The following FBXO11 variants were observed in gnomAD, a reference collection of about 807,000 sequenced individuals.
The protein encoded by FBXO11 is F-box only protein 11.
FBXO11 carries 13 observed loss-of-function variants against 117.0 expected under a neutral mutation model. The observed-to-expected ratio is 0.11, with a 90% CI of 0.07 to 0.18. The LOEUF (loss-of-function observed/expected upper bound fraction) is 0.18. Among genes scored for constraint, FBXO11 ranks in the 10% least tolerant of loss-of-function variants. The pLI is 1.00. For missense variants in FBXO11, 767 were observed against 1,164.4 expected (o/e 0.66, Z 4.97); for synonymous variants, 490 against 380.5 (o/e 1.29, Z -3.35).
chr2:47,819,287 G>A (rs1671216063), intron 14 of FBXO11, among the ~76,000 whole-genome samples: 1 of 152,120 alleles, frequency 6.6e-6, no homozygotes, highest in Non-Finnish European at 1.5e-5. Context: ...CGCGATCTTG[G>A]CTCACCACAA....
intron 1 of FBXO11, among the ~76,000 whole-genome samples, chr2:47,887,105 G>A (rs1010913642): frequency 6.6e-6 from 1 of 151,852 alleles, no homozygotes; most frequent in South Asian, 2.1e-4. Context: ...GACCAACATG[G>A]AGAAACCCCA....
chr2:47,837,788 T>C (rs2104847045), intron 4 of FBXO11, among the ~76,000 whole-genome samples: 2 of 152,160 alleles, frequency 1.3e-5, no homozygotes, highest in South Asian at 4.2e-4. Flanking sequence ...TGCAGTGCAG[T>C]GGCACGATCA....
At chr2:47,897,500 C>G (rs1457203543) in intron 1 of FBXO11, among the ~76,000 whole-genome samples, 1 of 152,102 alleles carries the variant, frequency 6.6e-6, no homozygotes, top group Non-Finnish European at 1.5e-5. Context: ...AGTTTGAGAT[C>G]AGCTTGGCCA....
At chr2:47,828,458 G>A (rs1352114684) in intron 11 of FBXO11, among the ~76,000 whole-genome samples, 1 of 152,008 alleles carries the variant, frequency 6.6e-6, no homozygotes, top group Non-Finnish European at 1.5e-5. Flanking sequence ...AAACACAAAA[G>A]TTAGCTGTGC....
intron 16 of FBXO11, 154 bp downstream of exon 16, chr2:47,818,625 T>G (rs1671170093): frequency 1.6e-6 from 1 of 631,578 alleles, no homozygotes; most frequent in East Asian, 2.8e-5. Context: ...GAAAGCTACA[T>G]TCTGACAATT....
At chr2:47,825,950 A>C (rs185595847) in intron 11 of FBXO11, among the ~76,000 whole-genome samples, 3 of 152,282 alleles carry the variant, frequency 2.0e-5, no homozygotes, top group Admixed American at 6.5e-5. Context: ...GATACAGTAA[A>C]AAAAAATTGA....
chr2:47,887,788 G>T (rs1676974220), intron 1 of FBXO11, among the ~76,000 whole-genome samples: 1 of 152,152 alleles, frequency 6.6e-6, no homozygotes, highest in Non-Finnish European at 1.5e-5. Context: ...TTGAGCCTGG[G>T]AGGCAGAGGC....
At chr2:47,842,038 C>CA (rs1469738087) in intron 1 of FBXO11, among the ~76,000 whole-genome samples, 2 of 147,332 alleles carry the variant, frequency 1.4e-5, no homozygotes. Context: ...TTTTTTGAGA[C>CA]AGAGTCTCGC....
At position 47,900,832 on chromosome 2, in the gene FBXO11, G is replaced by GTA. The variant is rs376711872; in HGVS notation, c.232+4655_232+4656dup. Among the ~76,000 whole-genome samples, 42 of 34,916 alleles carry GTA rather than the reference G, an allele frequency of 1.2e-3. 7 individuals are homozygous for GTA. Among genetic ancestry groups the GTA allele is most frequent in the Admixed American group, 2.4e-3 (7 of 2,976 alleles). 22.9% of individuals were successfully genotyped at this position (34,916 alleles called of 152,430 possible). ...TACACACACGTGTATATATATACAC[G>GTA]TATACACACACGTGTATATATATAC... On this transcript the variant is annotated intron_variant, in intron 1 of 22. Transcript: ENST00000403359.
At chr2:47,895,856 C>A (rs1248712608) in intron 1 of FBXO11, among the ~76,000 whole-genome samples, 2 of 152,124 alleles carry the variant, frequency 1.3e-5, no homozygotes, top group African/African-American at 4.8e-5. Flanking sequence ...CCATACCCAG[C>A]TAGCCAATTT....
intron 1 of FBXO11, among the ~76,000 whole-genome samples, chr2:47,872,967 A>C (rs930246916): frequency 1.5e-4 from 23 of 152,192 alleles, no homozygotes; most frequent in African/African-American, 5.3e-4. Flanking sequence ...CCACATTAAA[A>C]AAAATCTACT....
intron 16 of FBXO11, chr2:47,814,219 T>C (rs973059009): frequency 9.5e-6 from 2 of 210,740 alleles, no homozygotes; most frequent in African/African-American, 2.3e-5. Context: ...AAAGCGAGTA[T>C]TGCAATAAAG....
chr2:47,860,572 A>T (rs970244111), intron 1 of FBXO11, among the ~76,000 whole-genome samples: 2 of 151,912 alleles, frequency 1.3e-5, no homozygotes, highest in African/African-American at 4.8e-5. Context: ...CACCACGCCC[A>T]GCTAATTGTA....
intron 13 of FBXO11, 135 bp downstream of exon 13, chr2:47,822,083 T>C (rs1671432698): frequency 1.5e-6 from 1 of 655,686 alleles, no homozygotes; most frequent in Non-Finnish European, 2.6e-6. Context: ...AAGACCTCAT[T>C]TCTTTAAAAA....
rs548656261 is a variant in FBXO11, at chr2:47,892,676, G to A, written c.232+12813C>T. 2.6e-5 allele frequency among the ~76,000 whole-genome samples: 4 copies of A among 152,264 alleles called. No individual in the cohort carries two copies. In the East Asian group the frequency reaches 7.7e-4, roughly 29 times the overall value. ...AAAATGTTGTTTTATCTCTGCAATT[G>A]AGGTGCTTAAATTCTAGCAACATAT... On this transcript the variant is annotated intron_variant, in intron 1 of 22. Coordinates refer to ENST00000403359, the MANE Select transcript of FBXO11 (RefSeq NM_001190274.2).
intron 16 of FBXO11, among the ~76,000 whole-genome samples, chr2:47,818,222 T>C (rs756616719): frequency 2.0e-5 from 3 of 151,686 alleles, no homozygotes; most frequent in Admixed American, 6.6e-5. Flanking sequence ...TGGAAAAAAA[T>C]GGCAGAGAGA....
In FBXO11 at chr2:47,860,843, A is replaced by AT. The variant is rs34675496; in HGVS notation, c.233-21075dup. On this transcript the variant is annotated intron_variant, in intron 1 of 22. Coordinates refer to ENST00000403359, the MANE Select transcript of FBXO11 (RefSeq NM_001190274.2). ...AAAAAAAAATCAGTTGTTTTCCCCT[A>AT]TTTTTTTTTTTTTTTTTTTTGAGAC... Among the ~76,000 whole-genome samples, 964 of 104,212 alleles carry AT rather than the reference A, an allele frequency of 9.3e-3. 12 individuals carry two copies. The highest frequency in any genetic ancestry group is 0.02 in the African/African-American group (472 of 24,000). The allele number at this position is 104,212 out of a possible 152,430, so 68.4% of individuals were successfully genotyped here. A position where few individuals can be genotyped will look rare whatever the true frequency, so the allele number is the denominator to read the frequency against.
chr2:47,863,679 C>T (rs896598718), intron 1 of FBXO11, among the ~76,000 whole-genome samples: 2 of 152,130 alleles, frequency 1.3e-5, no homozygotes, highest in Non-Finnish European at 2.9e-5. Flanking sequence ...AGGCCGGGTG[C>T]GGTGGCTCAT....
intron 1 of FBXO11, among the ~76,000 whole-genome samples, chr2:47,893,874 C>A (rs546617366): frequency 3.3e-5 from 5 of 152,176 alleles, no homozygotes; most frequent in Non-Finnish European, 7.3e-5. Flanking sequence ...GCAACATTTA[C>A]TGAATGTGGC....
Sources: allele counts gnomAD v4.1 joint callset (sites outside exome capture counted in the v4.1 genomes callset), GRCh38; gene constraint gnomAD v4.1.1; transcripts MANE v1.5; gene names NCBI Gene and HGNC (gene_info 2026-07-23, HGNC 2026-07-21).